Variants in GIGYF2 observed in about 807,000 individuals in gnomAD.
GIGYF2 encodes GRB10 interacting GYF protein 2.
In GIGYF2, 25 loss-of-function variants were observed where a neutral mutation model predicts 208.1. The observed-to-expected ratio is 0.12, with a 90% CI of 0.09 to 0.17. GIGYF2 has a LOEUF of 0.17. Ranked by LOEUF, GIGYF2 falls within the 10% of genes least tolerant of loss-of-function variation. The pLI is 1.00. For synonymous variants in GIGYF2, 534 were observed against 543.8 expected (o/e 0.98, Z 0.25); for missense variants, 1,302 against 1,579.4 (o/e 0.82, Z 2.98).
chr2:232,704,888 C>T (rs1414599647), intron 2 of GIGYF2, among the ~76,000 whole-genome samples: 6 of 106,188 alleles, frequency 5.7e-5, no homozygotes, highest in African/African-American at 7.5e-5. Context: ...GAGACAGAGT[C>T]TCGCTCTTTC....
At chr2:232,803,674 CTTTTTTTTTTT>C (rs768507929) in intron 14 of GIGYF2, among the ~76,000 whole-genome samples, 1 of 49,926 alleles carries the variant, frequency 2.0e-5, no homozygotes, top group African/African-American at 1.3e-4. Flanking sequence ...ATTTCTGCTT[CTTTTTTTTTTT>C]TTTTTTTTTT....
intron 14 of GIGYF2, among the ~76,000 whole-genome samples, chr2:232,804,191 G>T (rs1307017793): frequency 1.3e-5 from 2 of 152,012 alleles, no homozygotes; most frequent in Admixed American, 6.6e-5. Context: ...AAATCTTGCT[G>T]AGATTCTGAT....
chr2:232,810,163 T>G, intron 16 of GIGYF2: 1 of 239,330 alleles, frequency 4.2e-6, no homozygotes, highest in Non-Finnish European at 8.3e-6. Flanking sequence ...TATTTTTGTA[T>G]TTTTAGTAGA....
chr2:232,800,258 T>A (rs1215103284), intron 14 of GIGYF2, among the ~76,000 whole-genome samples: 1 of 152,238 alleles, frequency 6.6e-6, no homozygotes, highest in Non-Finnish European at 1.5e-5. Flanking sequence ...TTTTACAGAT[T>A]TAGGTCATGC....
intron 2 of GIGYF2, among the ~76,000 whole-genome samples, chr2:232,728,624 T>A (rs1400768428): frequency 6.6e-6 from 1 of 152,088 alleles, no homozygotes; most frequent in Non-Finnish European, 1.5e-5. Flanking sequence ...AAAAATCAAA[T>A]TTGTAATTAA....
At chr2:232,820,067 CCTAT>C (rs1367616879) in intron 21 of GIGYF2, 82 bp downstream of exon 21, 124 of 1,525,996 alleles carry the variant, frequency 8.1e-5, no homozygotes, top group Non-Finnish European at 1.1e-4. Context: ...ATTAAGGTAG[CCTAT>C]CTAAAATTTT....
At chr2:232,705,409 AT>A (rs892765042) in intron 2 of GIGYF2, 12 of 145,604 alleles carry the variant, frequency 8.2e-5, no homozygotes, top group African/African-American at 3.4e-4. Flanking sequence ...ATTTATTTTT[AT>A]TTTTTTATTT....
rs147414058 is a variant in GIGYF2 at position 232,755,325 on chromosome 2, C to T, written c.268-898C>T. On this transcript the variant is annotated intron_variant, in intron 5 of 28. Transcript: ENST00000373563. ...AGCTGGGATTACAGGTGCCTGCCAC[C>T]GCGCCCGGCTAATTTTTGTATTTTC... Among the ~76,000 whole-genome samples, 876 of 152,220 alleles carry T rather than the reference C, an allele frequency of 5.8e-3. 3 individuals are homozygous for T. The highest frequency in any genetic ancestry group is 0.02 in the African/African-American group (833 of 41,522).
chr2:232,809,185 C>T lies in GIGYF2; in HGVS notation c.1807-535C>T, dbSNP rs535439163. ...ATCTCAATCCCCTGACCTCATGATC[C>T]GCCTGCCTTGGACTCCCAAAGTGCT... On this transcript the variant is annotated intron_variant, in intron 15 of 28. Transcript: ENST00000373563. 8.5e-5 allele frequency among the ~76,000 whole-genome samples: 13 copies of T among 152,082 alleles called. 1 individual carries two copies. Among genetic ancestry groups the T allele is most frequent in the South Asian group, 4.2e-4 (2 of 4,816 alleles).
chr2:232,809,692 A>G (rs1700672862), intron 15 of GIGYF2, 28 bp from the exon 16 acceptor site: 3 of 1,343,376 alleles, frequency 2.2e-6, no homozygotes, highest in East Asian at 2.3e-5. Flanking sequence ...ATTTAATGGT[A>G]TTTATTTCCT....
At chr2:232,775,971 CTA>C in intron 8 of GIGYF2, among the ~76,000 whole-genome samples, 1 of 152,176 alleles carries the variant, frequency 6.6e-6, no homozygotes. Context: ...GCAGAAGTAT[CTA>C]TTAATTTCCG....
At chr2:232,774,744 C>T (rs192482761) in intron 8 of GIGYF2, among the ~76,000 whole-genome samples, 1 of 152,248 alleles carries the variant, frequency 6.6e-6, no homozygotes, top group East Asian at 1.9e-4. Context: ...AGCCACTGTC[C>T]TACTGAATGC....
At chr2:232,725,378 T>A (rs983065587) in intron 2 of GIGYF2, among the ~76,000 whole-genome samples, 2 of 152,226 alleles carry the variant, frequency 1.3e-5, no homozygotes, top group African/African-American at 2.4e-5. Flanking sequence ...TACCCTTTCC[T>A]GCACCTCCCC....
rs559022167 is a variant in GIGYF2 at position 232,733,862 on chromosome 2, C to T, written c.-43-1293C>T. ...ATGACAAGGAAAAGAAGTGTCTATA[C>T]ATGTTGGTACAGACGCAATTAAAAA... On this transcript the variant is annotated intron_variant, in intron 2 of 28. Coordinates refer to ENST00000373563, the MANE Select transcript of GIGYF2 (RefSeq NM_001103146.3). 2.0e-5 allele frequency among the ~76,000 whole-genome samples: 3 copies of T among 152,286 alleles called. No individual in the cohort carries two copies. The East Asian group carries it at 5.8e-4, about 29-fold the overall frequency.
At chr2:232,757,781 C>CCG (rs1698607485) in intron 6 of GIGYF2, among the ~76,000 whole-genome samples, 1 of 149,402 alleles carries the variant, frequency 6.7e-6, no homozygotes, top group African/African-American at 2.5e-5. Flanking sequence ...CCCCCGCCCC[C>CCG]CGCCATTACT....
intron 2 of GIGYF2, among the ~76,000 whole-genome samples, chr2:232,733,110 A>G (rs543247274): frequency 6.6e-4 from 100 of 152,248 alleles, no homozygotes; most frequent in African/African-American, 2.4e-3. Flanking sequence ...CAAAAATATT[A>G]GCCGGGTGTG....
intron 28 of GIGYF2, among the ~76,000 whole-genome samples, chr2:232,854,261 C>T (rs1254919444): frequency 6.6e-6 from 1 of 152,134 alleles, no homozygotes; most frequent in Non-Finnish European, 1.5e-5. Flanking sequence ...GGGAGGCCAG[C>T]GTGGGCGGAT....
At position 232,761,617 on chromosome 2, in the gene GIGYF2, C is replaced by G. The variant is rs890735614; in HGVS notation, c.532+181C>G. 9 of 539,288 alleles carry G rather than the reference C, an allele frequency of 1.7e-5. No homozygotes were observed. In the African/African-American group the frequency reaches 1.7e-4, roughly 10 times the overall value. The allele number at this position is 539,288 out of a possible 1,614,324, so 33.4% of individuals were successfully genotyped here. ...GCCATTAGGATTTACTTGACTTGGT[C>G]TGTGTGTTCTCTGCAAGGCATATAT... On this transcript the variant is annotated intron_variant, in intron 8 of 28. Coordinates refer to ENST00000373563, the MANE Select transcript of GIGYF2 (RefSeq NM_001103146.3).
chr2:232,830,961 G>A (rs1390360482), intron 21 of GIGYF2, among the ~76,000 whole-genome samples: 1 of 152,140 alleles, frequency 6.6e-6, no homozygotes, highest in Admixed American at 6.5e-5. Flanking sequence ...AGAAATATTG[G>A]TTAGTATATT....
Sources: gnomAD v4.1 joint callset for allele counts (sites outside exome capture counted in the v4.1 genomes callset) on GRCh38, gnomAD v4.1.1 for gene constraint, MANE v1.5 for transcripts, NCBI Gene and HGNC (gene_info 2026-07-23, HGNC 2026-07-21) for gene names.